TEKT5: variants seen among roughly 807,000 people sequenced by gnomAD.
TEKT5 encodes the protein tektin 5.
Under a neutral mutation model 48.7 loss-of-function variants are expected in TEKT5, and 52 were observed. The observed-to-expected ratio is 1.07, with a 90% confidence interval of 0.86 to 1.35. The LOEUF (loss-of-function observed/expected upper bound fraction) is 1.35, where lower values mean the gene tolerates loss of function less well. Among genes scored for constraint, TEKT5 ranks in the 40% most tolerant of loss-of-function variants. TEKT5 has a pLI of 0.00. For synonymous variants in TEKT5, 318 were observed against 267.6 expected (o/e 1.19, Z -1.84); for missense variants, 831 against 641.6 (o/e 1.30, Z -3.19).
chr16:10,690,137 G>A, intron 1 of TEKT5, 112 bp from the exon 2 acceptor site: 2 of 1,162,430 alleles, frequency 1.7e-6, no homozygotes, highest in South Asian at 2.8e-5. Flanking sequence ...CCGGAAACCT[G>A]GGTGCTTCAT....
chr16:10,690,594 T>G (rs1178451950), intron 1 of TEKT5: 4 of 985,250 alleles, frequency 4.1e-6, no homozygotes, highest in Non-Finnish European at 3.6e-6. Context: ...CCCTAAATAT[T>G]ACCTGTGAAT....
At position 10,627,694 on chromosome 16, in the gene TEKT5, C is replaced by G. The variant is rs1382094376; in HGVS notation, c.1347G>C (p.Arg449=). The G allele has an allele frequency of 3.7e-6, 6 of 1,614,104 alleles. 1 individual carries two copies. The South Asian group carries it at 5.5e-5, about 15-fold the overall frequency. The change falls in exon 7 of 7, where the codon CGG becomes CGC. Residue 449 remains arginine (R), a synonymous_variant. Coordinates refer to ENST00000283025, the MANE Select transcript of TEKT5 (RefSeq NM_144674.2). ...CCTTGATGGCGAGCTCGTGCTCCAG[C>G]CGGCACTTGGTCATGACCAGCAGCT... ...TLQLLVMTKC[R]LEHELAIKAN...
In TEKT5 at chr16:10,627,586, G is replaced by T. The variant is rs1264693151; in HGVS notation, c.1455C>A (p.Thr485=). The T allele has an allele frequency of 6.2e-7, 1 of 1,614,106 alleles. No individual in the cohort carries two copies. Among genetic ancestry groups the T allele is most frequent in the Non-Finnish European group, 8.5e-7 (1 of 1,179,950 alleles). ...FPCTPRLVGH[T] ...GAATGAGGCGCCAGGGCGGTGCTCA[G>T]GTGTGGCCCACCAGGCGCGGGGTGC... Residue 485 remains threonine (T), a synonymous_variant, in exon 7 of 7, where the codon ACC becomes ACA. Transcript: ENST00000283025.
Position 10,627,676 on chromosome 16 carries a change from G to A in TEKT5, c.1365C>T (p.Ala455=), listed in dbSNP as rs765296304. Residue 455 remains alanine, a synonymous_variant, in exon 7 of 7, where the codon GCC becomes GCT. Transcript: ENST00000283025. The part of the protein sequence containing the change: ...MTKCRLEHEL[A]IKANTLCIDK... ...CGATGCAGAGGGTGTTGGCCTTGAT[G>A]GCGAGCTCGTGCTCCAGCCGGCACT... 2 of 1,614,066 alleles carry A rather than the reference G, an allele frequency of 1.2e-6. No individual in the cohort carries two copies. The highest frequency in any genetic ancestry group is 1.3e-5 in the African/African-American group (1 of 74,922).
At chr16:10,681,293 C>T (rs1337544347) in intron 4 of TEKT5, among the ~76,000 whole-genome samples, 1 of 151,908 alleles carries the variant, frequency 6.6e-6, no homozygotes, top group African/African-American at 2.4e-5. Flanking sequence ...CAGAAATGGC[C>T]CAAAGAAATG....
At chr16:10,681,959 C>T (rs372982214) in intron 4 of TEKT5, 34 bp downstream of exon 4, 34 of 1,607,676 alleles carry the variant, frequency 2.1e-5, no homozygotes, top group Middle Eastern at 1.7e-4. Flanking sequence ...CAGTTGGACA[C>T]GCCAGGGATG....
chr16:10,691,747 G>A (rs898875195), intron 1 of TEKT5, among the ~76,000 whole-genome samples: 5 of 152,122 alleles, frequency 3.3e-5, no homozygotes, highest in Admixed American at 6.5e-5. Context: ...AAGAGATCAA[G>A]ACCATACTGG....
chr16:10,692,959 GT>G (rs1567238317), intron 1 of TEKT5: 1 of 152,208 alleles, frequency 6.6e-6, no homozygotes, highest in Non-Finnish European at 1.5e-5. Context: ...ATAAATTCCT[GT>G]TTGGCTAAAC....
intron 2 of TEKT5, 88 bp from the exon 3 acceptor site, chr16:10,689,411 C>A (rs8054154): frequency 1.7e-6 from 2 of 1,151,962 alleles, no homozygotes; most frequent in South Asian, 1.3e-5. Context: ...CTCCCCTCCC[C>A]TCTCACTGAC....
rs1358147838 is a variant in TEKT5, at chr16:10,669,674, A to G, written c.1086+6285T>C. Reference sequence around the variant, plus strand: ...GAATAAGCACTTTCTCCATAGAAGTATCCCTGACCCCACACATCCTACCCC... The same window carrying G: ...GAATAAGCACTTTCTCCATAGAAGTGTCCCTGACCCCACACATCCTACCCC... On this transcript the variant is annotated intron_variant, in intron 5 of 6. Transcript: ENST00000283025. 5.3e-5 allele frequency among the ~76,000 whole-genome samples: 8 copies of G among 152,198 alleles called. 1 individual carries two copies. The highest frequency in any genetic ancestry group is 1.9e-4 in the African/African-American group (8 of 41,458).
chr16:10,644,531 C>T (rs1349342429), intron 5 of TEKT5, among the ~76,000 whole-genome samples: 2 of 152,174 alleles, frequency 1.3e-5, no homozygotes, highest in African/African-American at 4.8e-5. Flanking sequence ...CTACTCTATT[C>T]AAAACGGACA....
At chr16:10,658,043 C>T (rs1027976585) in intron 5 of TEKT5, among the ~76,000 whole-genome samples, 1 of 152,104 alleles carries the variant, frequency 6.6e-6, no homozygotes, top group Non-Finnish European at 1.5e-5. Context: ...CATTACTCAC[C>T]CACAAAAGAA....
At chr16:10,653,999 CGTGT>C (rs368206992) in intron 5 of TEKT5, among the ~76,000 whole-genome samples, 26 of 149,742 alleles carry the variant, frequency 1.7e-4, no homozygotes, top group South Asian at 1.3e-3. Flanking sequence ...TGTGTGTGAA[CGTGT>C]GTGTGTGTGT....
chr16:10,663,242 T>G (rs1013237654), intron 5 of TEKT5, among the ~76,000 whole-genome samples: 1 of 152,232 alleles, frequency 6.6e-6, no homozygotes, highest in Non-Finnish European at 1.5e-5. Context: ...CAGAGATATG[T>G]TTGGCAGGGT....
At chr16:10,690,624 T>G (rs13335556) in intron 1 of TEKT5, 120,486 of 985,286 alleles carry the variant, frequency 0.12, 7,735 homozygotes, top group African/African-American at 0.17. Flanking sequence ...AACCCCTCTT[T>G]GCAGATCTCC....
intron 6 of TEKT5, among the ~76,000 whole-genome samples, chr16:10,635,102 C>T (rs1013311569): frequency 6.6e-6 from 1 of 152,030 alleles, no homozygotes; most frequent in Non-Finnish European, 1.5e-5. Context: ...TCATACAGCA[C>T]GTTCATGGGA....
intron 6 of TEKT5, among the ~76,000 whole-genome samples, chr16:10,633,220 G>C (rs1897865015): frequency 6.6e-6 from 1 of 152,162 alleles, no homozygotes; most frequent in African/African-American, 2.4e-5. Context: ...AATTAGCCGA[G>C]CATGGTGGCA....
chr16:10,677,166 G>A (rs1171154452), intron 4 of TEKT5, among the ~76,000 whole-genome samples: 1 of 152,196 alleles, frequency 6.6e-6, no homozygotes, highest in Admixed American at 6.6e-5. Flanking sequence ...ACTCCAGCCT[G>A]GGCAACACAA....
chr16:10,665,071 G>A lies in TEKT5; in HGVS notation c.1086+10888C>T, dbSNP rs573351959. The stretch of plus-strand genomic sequence containing the variant: ...CAATACACTATGGGTCTTACCTGTC[G>A]GGACACAGAAGGTGGAGATGGAAGG... On this transcript the variant is annotated intron_variant, in intron 5 of 6. Transcript: ENST00000283025. Among the ~76,000 whole-genome samples, 21 of 152,198 alleles carry A rather than the reference G, an allele frequency of 1.4e-4. 1 individual carries two copies. Among genetic ancestry groups the A allele is most frequent in the South Asian group, 1.0e-3 (5 of 4,822 alleles).
Sources: gnomAD v4.1 joint callset for allele counts (sites outside exome capture counted in the v4.1 genomes callset) on GRCh38, gnomAD v4.1.1 for gene constraint, MANE v1.5 for transcripts, NCBI Gene and HGNC (gene_info 2026-07-23, HGNC 2026-07-21) for gene names.